CFAP299: variants seen among roughly 807,000 people sequenced by gnomAD.
The protein encoded by CFAP299 is cilia- and flagella-associated protein 299.
Under a neutral mutation model 27.0 loss-of-function variants are expected in CFAP299, and 21 were observed. That is an observed-to-expected ratio of 0.78 (90% CI 0.55 to 1.12). The LOEUF is 1.12. Ranked by LOEUF, CFAP299 falls within the 50% of genes most tolerant of loss-of-function variation. The pLI, the probability that CFAP299 is intolerant of heterozygous loss-of-function variation, is 0.00. For missense variants in CFAP299, 310 were observed against 276.6 expected, an observed-to-expected ratio of 1.12 and a Z score of -0.86; for synonymous variants, 104 against 98.1, an observed-to-expected ratio of 1.06 and a Z score of -0.36.
intron 2 of CFAP299, among the ~76,000 whole-genome samples, chr4:80,372,300 A>G (rs1221356667): frequency 6.6e-6 from 1 of 152,152 alleles, no homozygotes; most frequent in East Asian, 1.9e-4. Context: ...TCACCTCCCA[A>G]CAGGCCTCAC....
At chr4:80,431,917 T>C (rs1727833900) in intron 2 of CFAP299, among the ~76,000 whole-genome samples, 1 of 152,232 alleles carries the variant, frequency 6.6e-6, no homozygotes, top group Non-Finnish European at 1.5e-5. Flanking sequence ...CCTGTGATAC[T>C]GTGCTACTTT....
intron 3 of CFAP299, among the ~76,000 whole-genome samples, chr4:80,797,086 CT>C (rs1560414840): frequency 6.6e-6 from 1 of 152,122 alleles, no homozygotes; most frequent in Non-Finnish European, 1.5e-5. Flanking sequence ...TTTGGGTCCC[CT>C]GGGATCAATG....
intron 2 of CFAP299, among the ~76,000 whole-genome samples, chr4:80,453,360 A>T (rs1728986926): frequency 6.6e-6 from 1 of 152,148 alleles, no homozygotes; most frequent in South Asian, 2.1e-4. Flanking sequence ...CGAATATTCA[A>T]ACTAAGACAT....
intron 3 of CFAP299, among the ~76,000 whole-genome samples, chr4:80,692,346 G>A (rs1252049788): frequency 1.3e-5 from 2 of 152,016 alleles, no homozygotes; most frequent in African/African-American, 2.4e-5. Flanking sequence ...CCAAAACAGA[G>A]ATATAGATCA....
Position 80,472,561 on chromosome 4 carries a change from T to C in CFAP299, c.242+109677T>C, listed in dbSNP as rs183107276. 3.4e-4 allele frequency among the ~76,000 whole-genome samples: 52 copies of C among 152,258 alleles called. No individual in the cohort carries two copies. In the East Asian group the frequency reaches 7.5e-3, roughly 22 times the overall value. On this transcript the variant is annotated intron_variant, in intron 2 of 5. Transcript: ENST00000358105. Reference sequence around the variant, plus strand: ...ATTGACTTCAACAGGGATAACACCATGTTTGTGAGGACCAAGAAGAGACCC... The same window carrying C: ...ATTGACTTCAACAGGGATAACACCACGTTTGTGAGGACCAAGAAGAGACCC...
At chr4:80,730,153 C>T (rs1369695806) in intron 3 of CFAP299, among the ~76,000 whole-genome samples, 1 of 151,770 alleles carries the variant, frequency 6.6e-6, no homozygotes, top group African/African-American at 2.4e-5. Context: ...CCCATAATGC[C>T]CTGGACCCAA....
chr4:80,771,155 A>G (rs1726193061), intron 3 of CFAP299, among the ~76,000 whole-genome samples: 1 of 152,142 alleles, frequency 6.6e-6, no homozygotes, highest in Non-Finnish European at 1.5e-5. Flanking sequence ...CACAGCCACA[A>G]TCCAATCCAG....
At chr4:80,799,657 AT>A (rs1728191233) in intron 3 of CFAP299, among the ~76,000 whole-genome samples, 1 of 17,960 alleles carries the variant, frequency 5.6e-5, no homozygotes, top group African/African-American at 2.5e-4. Flanking sequence ...TATTTTATAT[AT>A]TATATTTTAT....
chr4:80,865,117 C>T (rs575990599), intron 3 of CFAP299, among the ~76,000 whole-genome samples: 55 of 152,170 alleles, frequency 3.6e-4, no homozygotes, highest in Middle Eastern at 3.4e-3. Flanking sequence ...GCTTTCATCT[C>T]CCACATTTAT....
chr4:80,504,356 G>C (rs1204863234), intron 2 of CFAP299, among the ~76,000 whole-genome samples: 2 of 150,566 alleles, frequency 1.3e-5, no homozygotes, highest in African/African-American at 2.4e-5. Flanking sequence ...ATGTGGTGAA[G>C]AGGCTTTCTT....
At chr4:80,515,485 T>C (rs1732538590) in intron 2 of CFAP299, among the ~76,000 whole-genome samples, 1 of 152,190 alleles carries the variant, frequency 6.6e-6, no homozygotes, top group Admixed American at 6.6e-5. Flanking sequence ...CAGAATATCC[T>C]AAGTCTTTGA....
At chr4:80,508,721 GCTGTTTTAAAATT>G in intron 2 of CFAP299, among the ~76,000 whole-genome samples, 1 of 152,030 alleles carries the variant, frequency 6.6e-6, no homozygotes, top group African/African-American at 2.4e-5. Context: ...ACCACTCCTG[GCTGTTTTAAAATT>G]TCTTGCAGAG....
intron 3 of CFAP299, among the ~76,000 whole-genome samples, chr4:80,731,727 C>G (rs1234566808): frequency 6.6e-6 from 1 of 152,060 alleles, no homozygotes; most frequent in Non-Finnish European, 1.5e-5. Context: ...AGTTCATTGG[C>G]CTAAAACTAT....
intron 3 of CFAP299, among the ~76,000 whole-genome samples, chr4:80,671,087 T>A (rs1188764912): frequency 1.3e-5 from 2 of 152,234 alleles, no homozygotes; most frequent in African/African-American, 4.8e-5. Context: ...TGAATGGTAT[T>A]GCCTAGGTTT....
At chr4:80,734,294 G>T (rs2110058288) in intron 3 of CFAP299, among the ~76,000 whole-genome samples, 1 of 152,018 alleles carries the variant, frequency 6.6e-6, no homozygotes, top group Non-Finnish European at 1.5e-5. Context: ...CAAATTTTTT[G>T]CTCATTTCTT....
chr4:80,497,872 C>T (rs1023149869), intron 2 of CFAP299, among the ~76,000 whole-genome samples: 4 of 152,082 alleles, frequency 2.6e-5, no homozygotes, highest in Admixed American at 2.6e-4. Flanking sequence ...TACAAGGCTG[C>T]AGTAACCAAA....
intron 2 of CFAP299, among the ~76,000 whole-genome samples, chr4:80,368,627 A>T (rs1723967694): frequency 6.6e-6 from 1 of 152,184 alleles, no homozygotes; most frequent in Admixed American, 6.5e-5. Flanking sequence ...CAAATCTTAA[A>T]AAAAAATTAT....
chr4:80,897,326 T>G (rs537604754), intron 4 of CFAP299, among the ~76,000 whole-genome samples: 7 of 152,286 alleles, frequency 4.6e-5, no homozygotes, highest in Admixed American at 2.6e-4. Context: ...TGCCTGGCAT[T>G]GGGAATTCAG....
intron 5 of CFAP299, among the ~76,000 whole-genome samples, chr4:80,962,971 A>G (rs889846595): frequency 6.6e-6 from 1 of 151,810 alleles, no homozygotes; most frequent in Non-Finnish European, 1.5e-5. Flanking sequence ...AACTATGCTA[A>G]TTTTTTTTAA....
Sources: gnomAD v4.1 joint callset for allele counts (sites outside exome capture counted in the v4.1 genomes callset) on GRCh38, gnomAD v4.1.1 for gene constraint, MANE v1.5 for transcripts, NCBI Gene and HGNC (gene_info 2026-07-23, HGNC 2026-07-21) for gene names.